CHST11: variants seen among roughly 807,000 people sequenced by gnomAD.
CHST11 encodes carbohydrate sulfotransferase 11.
CHST11 carries 9 observed loss-of-function variants against 30.4 expected under a neutral mutation model. The observed-to-expected ratio is 0.30, with a 90% CI of 0.18 to 0.52. CHST11 has a LOEUF of 0.52. CHST11 is among the 20% of genes least tolerant of loss of function. CHST11 has a pLI of 0.97. For missense variants in CHST11, 348 were observed against 460.6 expected, an observed-to-expected ratio of 0.76 and a Z score of 2.24; for synonymous variants, 152 against 187.8, an observed-to-expected ratio of 0.81 and a Z score of 1.56.
intron 2 of CHST11, among the ~76,000 whole-genome samples, chr12:104,720,680 A>G (rs1363003238): frequency 6.6e-6 from 1 of 152,188 alleles, no homozygotes; most frequent in Non-Finnish European, 1.5e-5. Flanking sequence ...GAGGAACACC[A>G]CGAGCTTTCT....
intron 1 of CHST11, among the ~76,000 whole-genome samples, chr12:104,517,020 T>A (rs750569529): frequency 3.3e-5 from 5 of 151,792 alleles, no homozygotes; most frequent in Non-Finnish European, 7.4e-5. Context: ...GCTCTCTTCA[T>A]GCATTCTCTT....
intron 2 of CHST11, among the ~76,000 whole-genome samples, chr12:104,603,447 T>C: frequency 6.6e-6 from 1 of 152,226 alleles, no homozygotes. Flanking sequence ...GGAAGGTCCA[T>C]GGACTGCGTC....
At position 104,757,416 on chromosome 12, in the gene CHST11, C is replaced by T. The variant is rs763562728; in HGVS notation, c.672C>T (p.Ala224=). The T allele has an allele frequency of 1.4e-5, 23 of 1,614,106 alleles. No individual in the cohort carries two copies. The highest frequency in any genetic ancestry group is 1.9e-5 in the Non-Finnish European group (22 of 1,180,020). Residue 224 remains alanine (A), a synonymous_variant, in exon 3 of 3, where the codon GCC becomes GCT. Transcript: ENST00000303694. This position sits in a 1 kb window ranked among gnomAD's most constrained non-coding sequence, Gnocchi z 6.5. ...TCATCAAACGCCAGCGGAAGAACGC[C>T]ACCCAGGAGGCCCTGCGCAAAGGGG... is the stretch of plus-strand genomic sequence containing the variant. ...TKIIKRQRKN[A]TQEALRKGDD...
At chr12:104,665,655 C>T (rs936810766) in intron 2 of CHST11, among the ~76,000 whole-genome samples, 2 of 149,396 alleles carry the variant, frequency 1.3e-5, no homozygotes, top group African/African-American at 2.5e-5. Flanking sequence ...TAATTTTTAA[C>T]TTTTTATGCC....
intron 1 of CHST11, among the ~76,000 whole-genome samples, chr12:104,481,912 A>G (rs146738096): frequency 0.018 from 2,648 of 144,868 alleles, 41 homozygotes; most frequent in Non-Finnish European, 0.024. Flanking sequence ...ATCTTGGCTC[A>G]CTGCAGCCTC....
chr12:104,488,553 A>T (rs1461372500), intron 1 of CHST11, among the ~76,000 whole-genome samples: 3 of 132,086 alleles, frequency 2.3e-5, no homozygotes. Flanking sequence ...GTGTGCGTGT[A>T]TGTGTGTGTA....
chr12:104,641,097 T>C (rs566966686), intron 2 of CHST11, among the ~76,000 whole-genome samples: 1 of 152,260 alleles, frequency 6.6e-6, no homozygotes, highest in African/African-American at 2.4e-5. Context: ...CGGGGACCAC[T>C]GGACTCCAGG....
chr12:104,528,954 G>A (rs1029476389), intron 1 of CHST11, among the ~76,000 whole-genome samples: 2 of 152,200 alleles, frequency 1.3e-5, no homozygotes, highest in African/African-American at 4.8e-5. Flanking sequence ...TAGAAATTCA[G>A]TAAACACACC....
intron 2 of CHST11, among the ~76,000 whole-genome samples, chr12:104,641,279 G>T (rs1349989047): frequency 6.6e-6 from 1 of 152,212 alleles, no homozygotes; most frequent in African/African-American, 2.4e-5. Context: ...GCAAAAGGGT[G>T]TCTGTCACAT....
At chr12:104,714,007 T>G (rs891987818) in intron 2 of CHST11, among the ~76,000 whole-genome samples, 34 of 152,182 alleles carry the variant, frequency 2.2e-4, no homozygotes, top group African/African-American at 8.0e-4. Context: ...TGTCATGTGC[T>G]CTAAAGATGC....
At chr12:104,545,965 G>A (rs1592755913) in intron 1 of CHST11, among the ~76,000 whole-genome samples, 1 of 151,952 alleles carries the variant, frequency 6.6e-6, no homozygotes, top group East Asian at 1.9e-4. Context: ...CATCCTCTAG[G>A]GTCTGTTTTA....
intron 1 of CHST11, among the ~76,000 whole-genome samples, chr12:104,480,647 G>C (rs909877651): frequency 6.6e-6 from 1 of 151,398 alleles, no homozygotes; most frequent in Non-Finnish European, 1.5e-5. Context: ...TATGACTAGC[G>C]TCCTTATTAT....
intron 2 of CHST11, among the ~76,000 whole-genome samples, chr12:104,663,214 C>T (rs116249928): frequency 1.3e-3 from 198 of 152,346 alleles, no homozygotes; most frequent in African/African-American, 4.4e-3. Context: ...CACCTCCGTG[C>T]GACTTCCATC....
intron 2 of CHST11, among the ~76,000 whole-genome samples, chr12:104,674,568 G>A (rs2039723207): frequency 1.3e-5 from 2 of 152,206 alleles, no homozygotes; most frequent in Non-Finnish European, 2.9e-5. Context: ...TCTGCTCTGA[G>A]CCACCACCCA....
intron 2 of CHST11, among the ~76,000 whole-genome samples, chr12:104,719,833 C>A (rs983566062): frequency 1.3e-5 from 2 of 152,188 alleles, no homozygotes; most frequent in Non-Finnish European, 2.9e-5. Context: ...GTTACAGGCA[C>A]CACTGTCCCC....
At position 104,676,623 on chromosome 12, in the gene CHST11, C is replaced by T. The variant is rs767501858; in HGVS notation, c.204+74632C>T. 2.6e-5 allele frequency among the ~76,000 whole-genome samples: 4 copies of T among 152,196 alleles called. No homozygotes were observed. Among genetic ancestry groups the T allele is most frequent in the Non-Finnish European group, 5.9e-5 (4 of 68,038 alleles). Reference sequence around the variant, plus strand: ...AGAGATGGGGTTTCCCCATGTTGGCCAGGATGGTCTCGATCTCCTGACCTT... The same window carrying T: ...AGAGATGGGGTTTCCCCATGTTGGCTAGGATGGTCTCGATCTCCTGACCTT... On this transcript the variant is annotated intron_variant, in intron 2 of 2. Transcript: ENST00000303694. This position sits in a 1 kb window ranked among gnomAD's most constrained non-coding sequence, Gnocchi z 4.4.
intron 2 of CHST11, among the ~76,000 whole-genome samples, chr12:104,744,368 T>C (rs2040371915): frequency 1.3e-5 from 2 of 152,258 alleles, no homozygotes; most frequent in African/African-American, 4.8e-5. Flanking sequence ...TGCGGAACTT[T>C]TTTTTGTATG....
At chr12:104,616,258 A>C (rs560698920) in intron 2 of CHST11, among the ~76,000 whole-genome samples, 1 of 152,320 alleles carries the variant, frequency 6.6e-6, no homozygotes, top group South Asian at 2.1e-4. Context: ...GTACTTTAGA[A>C]GCAAAAAAGG....
intron 1 of CHST11, among the ~76,000 whole-genome samples, chr12:104,504,703 C>T (rs1030734252): frequency 9.2e-5 from 14 of 152,112 alleles, no homozygotes; most frequent in Admixed American, 3.3e-4. Flanking sequence ...GGGTGGTGTG[C>T]GCCTGTAGTC....
Sources: gnomAD v4.1 joint callset for allele counts (sites outside exome capture counted in the v4.1 genomes callset) on GRCh38, gnomAD v4.1.1 for gene constraint, Gnocchi (gnomAD v3.1) non-coding constraint, MANE v1.5 for transcripts, NCBI Gene and HGNC (gene_info 2026-07-23, HGNC 2026-07-21) for gene names.